UNC5B: variants seen among roughly 807,000 people sequenced by gnomAD.
UNC5B encodes unc-5 netrin receptor B, also known as netrin receptor UNC5B.
In UNC5B, 56 loss-of-function variants were observed where a neutral mutation model predicts 103.7. The observed-to-expected ratio is 0.54, with a 90% CI of 0.44 to 0.67. UNC5B has a LOEUF of 0.67. UNC5B is among the 30% of genes least tolerant of loss of function. The pLI, the probability that UNC5B is intolerant of heterozygous loss-of-function variation, is 0.00. For missense variants in UNC5B, 1,194 were observed against 1,284.5 expected, an observed-to-expected ratio of 0.93 and a Z score of 1.08; for synonymous variants, 577 against 542.0, an observed-to-expected ratio of 1.06 and a Z score of -0.90.
chr10:71,259,357 G>A (rs2132279472), intron 1 of UNC5B, among the ~76,000 whole-genome samples: 1 of 149,028 alleles, frequency 6.7e-6, no homozygotes, highest in East Asian at 2.0e-4. Flanking sequence ...CTGCCCTATA[G>A]CCTGGGTGAT....
chr10:71,285,323 C>A lies in UNC5B; in HGVS notation c.449-3C>A. On this transcript the variant is annotated splice_region_variant and splice_polypyrimidine_tract_variant and intron_variant, in intron 3 of 16. Transcript: ENST00000335350. ...TGCCTTGGGACCCTCTCGCTTCTCC[C>A]AGACCTGCGCAAGAACTTCGATCAG... 1 of 1,607,966 alleles carries A rather than the reference C, an allele frequency of 6.2e-7. No homozygotes were observed.
In UNC5B at chr10:71,299,166, C is replaced by T; in HGVS notation, c.2727C>T (p.Leu909=). 1.2e-6 allele frequency: 2 copies of T among 1,614,260 alleles called. No individual in the cohort carries two copies. The highest frequency in any genetic ancestry group is 1.7e-6 in the Non-Finnish European group (2 of 1,180,050). The part of the protein sequence containing the change: ...KASPTGVILD[L]WEALQQDDGD... Reference sequence around the variant, plus strand: ...GCCCCACGGGTGTGATCCTGGACCTCTGGGAAGCTCTGCAGCAGGACGATG... The same window carrying T: ...GCCCCACGGGTGTGATCCTGGACCTTTGGGAAGCTCTGCAGCAGGACGATG... Residue 909 remains leucine (L), a synonymous_variant, in exon 17 of 17, where the codon CTC becomes CTT. Transcript: ENST00000335350.
At chr10:71,277,789 G>C (rs1392909365) in intron 1 of UNC5B, among the ~76,000 whole-genome samples, 1 of 152,350 alleles carries the variant, frequency 6.6e-6, no homozygotes, top group East Asian at 1.9e-4. Context: ...CACTCACCGG[G>C]TGGCCTCGGG....
At chr10:71,216,947 G>C (rs936460642) in intron 1 of UNC5B, among the ~76,000 whole-genome samples, 3 of 152,364 alleles carry the variant, frequency 2.0e-5, no homozygotes, top group Admixed American at 2.0e-4. Flanking sequence ...GTTGGGGTTG[G>C]GTGGAAAGGA....
At chr10:71,283,012 C>A (rs1371835564) in intron 2 of UNC5B, among the ~76,000 whole-genome samples, 5 of 152,014 alleles carry the variant, frequency 3.3e-5, no homozygotes, top group African/African-American at 9.7e-5. Context: ...CCCAGCTACT[C>A]GGGAGGCTGA....
intron 1 of UNC5B, among the ~76,000 whole-genome samples, chr10:71,265,283 C>T (rs949437884): frequency 3.3e-5 from 5 of 152,154 alleles, no homozygotes; most frequent in African/African-American, 9.7e-5. Flanking sequence ...CCAGGGAAGC[C>T]GTTTAATCCC....
chr10:71,228,867 G>A (rs1843624550), intron 1 of UNC5B, among the ~76,000 whole-genome samples: 1 of 152,192 alleles, frequency 6.6e-6, no homozygotes, highest in African/African-American at 2.4e-5. Context: ...AAAGTGAAGT[G>A]ACCCACCCTA....
chr10:71,213,943 C>G lies in UNC5B; in HGVS notation c.79+879C>G, dbSNP rs981641564. Among the ~76,000 whole-genome samples, 1 of 151,852 alleles carries G rather than the reference C, an allele frequency of 6.6e-6. No homozygotes were observed. Among genetic ancestry groups the G allele is most frequent in the African/African-American group, 2.4e-5 (1 of 41,334 alleles). On this transcript the variant is annotated intron_variant, in intron 1 of 16. Transcript: ENST00000335350. This position sits in a 1 kb window ranked among gnomAD's most constrained non-coding sequence, Gnocchi z 4.1. ...GAAATAAAGTCCCTAACCCTCCTCTCTCGCCGTGGATGAATACGTTTCTCG... is the reference window on the plus strand; with the variant it reads ...GAAATAAAGTCCCTAACCCTCCTCTGTCGCCGTGGATGAATACGTTTCTCG...
chr10:71,283,516 G>A (rs112992346), intron 2 of UNC5B, among the ~76,000 whole-genome samples: 8 of 152,284 alleles, frequency 5.3e-5, no homozygotes, highest in African/African-American at 1.2e-4. Context: ...CCATGCCACC[G>A]GCTGTGCGTA....
Position 71,288,736 on chromosome 10 carries a change from A to G in UNC5B, c.1066+4A>G. The G allele has an allele frequency of 1.2e-6, 2 of 1,604,220 alleles. No homozygotes were observed. Among genetic ancestry groups the G allele is most frequent in the Non-Finnish European group, 1.7e-6 (2 of 1,173,466 alleles). Reference sequence around the variant, plus strand: ...ACAGATGGGCTGTGCATGCAAAGTGAGTCACAGGGAAGGTGGGGCCCTGGG... The same window carrying G: ...ACAGATGGGCTGTGCATGCAAAGTGGGTCACAGGGAAGGTGGGGCCCTGGG... On this transcript the variant is annotated splice_donor_region_variant and intron_variant, in intron 7 of 16. Coordinates refer to ENST00000335350, the MANE Select transcript of UNC5B (RefSeq NM_170744.5).
At chr10:71,265,743 G>C (rs1303265903) in intron 1 of UNC5B, among the ~76,000 whole-genome samples, 2 of 152,168 alleles carry the variant, frequency 1.3e-5, no homozygotes, top group East Asian at 3.9e-4. Context: ...CACAGTGGAC[G>C]GGCTCCACCT....
intron 1 of UNC5B, among the ~76,000 whole-genome samples, chr10:71,244,473 T>A (rs570129585): frequency 6.6e-6 from 1 of 152,272 alleles, no homozygotes; most frequent in East Asian, 1.9e-4. Flanking sequence ...CCTCTAGTGT[T>A]CCAGTGAGCC....
chr10:71,296,569 C>G lies in UNC5B; in HGVS notation c.2326-9C>G. The G allele has an allele frequency of 6.2e-7, 1 of 1,613,412 alleles. No homozygotes were observed. The highest frequency in any genetic ancestry group is 2.2e-5 in the East Asian group (1 of 44,876). Reference sequence around the variant, plus strand: ...TTGCCTGCCTGGTCCTGACCCCCTCCTCCTGCAGGAGATCCCCTTCTATCA... The same window carrying G: ...TTGCCTGCCTGGTCCTGACCCCCTCGTCCTGCAGGAGATCCCCTTCTATCA... On this transcript the variant is annotated splice_polypyrimidine_tract_variant and intron_variant, in intron 14 of 16. Coordinates refer to ENST00000335350, the MANE Select transcript of UNC5B (RefSeq NM_170744.5).
chr10:71,262,248 A>G (rs1844430149), intron 1 of UNC5B, among the ~76,000 whole-genome samples: 1 of 151,894 alleles, frequency 6.6e-6, no homozygotes, highest in Non-Finnish European at 1.5e-5. Context: ...CTGGCACCCG[A>G]CACCCCCTCA....
chr10:71,292,100 T>C (rs1022745347), intron 10 of UNC5B, among the ~76,000 whole-genome samples: 2 of 152,320 alleles, frequency 1.3e-5, no homozygotes, highest in Admixed American at 1.3e-4. Flanking sequence ...TCCAACGTAG[T>C]TCAGCAGACC....
intron 1 of UNC5B, among the ~76,000 whole-genome samples, chr10:71,265,809 T>C (rs933870876): frequency 6.6e-6 from 1 of 152,040 alleles, no homozygotes; most frequent in African/African-American, 2.4e-5. Context: ...AACCCCAGGC[T>C]CTTGGTGAGG....
chr10:71,291,170 G>C, intron 9 of UNC5B, 61 bp downstream of exon 9: 1 of 1,557,146 alleles, frequency 6.4e-7, no homozygotes, highest in Non-Finnish European at 8.7e-7. Context: ...GGGCTCTGGT[G>C]GTACCCAGAC....
At chr10:71,271,281 G>A (rs1195590696) in intron 1 of UNC5B, among the ~76,000 whole-genome samples, 2 of 152,222 alleles carry the variant, frequency 1.3e-5, no homozygotes, top group Admixed American at 1.3e-4. Context: ...AGCTTCGCAG[G>A]GTCATTGTGT....
In UNC5B at chr10:71,296,700, A is replaced by G; in HGVS notation, c.2448A>G (p.Glu816=). 1 of 1,614,132 alleles carries G rather than the reference A, an allele frequency of 6.2e-7. No homozygotes were observed. Among genetic ancestry groups the G allele is most frequent in the Admixed American group, 1.7e-5 (1 of 60,024 alleles). Reference sequence around the variant, plus strand: ...GCAAGATCTGCGTGCGGCAAGTGGAAGGGGAGGGCCAGATATTCCAGCTGC... The same window carrying G: ...GCAAGATCTGCGTGCGGCAAGTGGAGGGGGAGGGCCAGATATTCCAGCTGC... The part of the protein sequence containing the change: ...LTCKICVRQV[E]GEGQIFQLHT... The change falls in exon 15 of 17, where the codon GAA becomes GAG. Residue 816 remains glutamate (E), a synonymous_variant. Transcript: ENST00000335350.
Sources: gnomAD v4.1 joint callset for allele counts (sites outside exome capture counted in the v4.1 genomes callset) on GRCh38, gnomAD v4.1.1 for gene constraint, Gnocchi (gnomAD v3.1) non-coding constraint, MANE v1.5 for transcripts, NCBI Gene and HGNC (gene_info 2026-07-23, HGNC 2026-07-21) for gene names.